Variants in CFAP69 observed in about 807,000 individuals in gnomAD.
CFAP69 encodes the protein cilia and flagella associated protein 69.
CFAP69 carries 92 observed loss-of-function variants against 123.0 expected under a neutral mutation model. The observed-to-expected ratio is 0.75, with a 90% confidence interval of 0.63 to 0.89. The LOEUF (loss-of-function observed/expected upper bound fraction) is 0.89, where lower values mean the gene tolerates loss of function less well. Among genes scored for constraint, CFAP69 ranks in the 40% least tolerant of loss-of-function variants. CFAP69 has a pLI of 0.00. For synonymous variants in CFAP69, 380 were observed against 364.3 expected, an observed-to-expected ratio of 1.04 and a Z score of -0.49; for missense variants, 1,067 against 1,096.9, an observed-to-expected ratio of 0.97 and a Z score of 0.39.
intron 1 of CFAP69, among the ~76,000 whole-genome samples, chr7:90,254,402 T>G (rs1020148875): frequency 6.6e-6 from 1 of 152,194 alleles, no homozygotes; most frequent in African/African-American, 2.4e-5. Context: ...TATAGCCTCT[T>G]CTTGGTTGCA....
intron 21 of CFAP69, 27 bp from the exon 22 acceptor site, chr7:90,309,236 T>G: frequency 8.9e-7 from 1 of 1,119,976 alleles, no homozygotes; most frequent in South Asian, 1.5e-5. Context: ...GCAATTAATA[T>G]TTTCTTTCTA....
At chr7:90,252,524 A>G (rs376494576) in intron 1 of CFAP69, among the ~76,000 whole-genome samples, 4 of 151,996 alleles carry the variant, frequency 2.6e-5, no homozygotes, top group African/African-American at 9.7e-5. Context: ...AAAAATTAGC[A>G]AAGTATGGGG....
Position 90,299,979 on chromosome 7 carries a change from C to A in CFAP69, c.1970C>A (p.Ala657Asp). ...NAWQGKKDQT[A>D]ASLLIKLWRK... ...TGGCAAGGGAAGAAGGATCAGACAG[C>A]TGCTAGTCTTTTAATTAAATTGTGG... Residue 657 changes from alanine (A) to aspartate (D), a missense_variant, in exon 17 of 23, where the codon GCT (alanine) becomes GAT (aspartate). Ala to Asp is a moderately radical substitution (Grantham distance 126, BLOSUM62 -2). Coordinates refer to ENST00000389297, the MANE Select transcript of CFAP69 (RefSeq NM_001039706.3). 6 of 1,610,980 alleles carry A rather than the reference C, an allele frequency of 3.7e-6. No individual in the cohort carries two copies. Among genetic ancestry groups the A allele is most frequent in the Non-Finnish European group, 5.1e-6 (6 of 1,178,676 alleles).
chr7:90,322,007 C>A, the CFAP69 span, among the ~76,000 whole-genome samples: 2 of 152,150 alleles, frequency 1.3e-5, no homozygotes, highest in East Asian at 1.9e-4. Context: ...GGCAGGCCAC[C>A]CTTCTCACAG....
chr7:90,304,565 T>A, intron 18 of CFAP69, 179 bp from the exon 19 acceptor site: 1 of 1,378,182 alleles, frequency 7.3e-7, no homozygotes, highest in African/African-American at 1.5e-5. Context: ...AGAAGCCTAC[T>A]CACAAGCTAC....
intron 18 of CFAP69, 176 bp downstream of exon 18, chr7:90,304,282 C>CT: frequency 7.5e-7 from 1 of 1,339,610 alleles, no homozygotes; most frequent in East Asian, 2.8e-5. Context: ...ATCAGAATCT[C>CT]TGTGTGTGGG....
rs758765109 is a variant in CFAP69, at chr7:90,265,262, A to G, written c.357-39A>G. 3 of 1,336,168 alleles carry G rather than the reference A, an allele frequency of 2.2e-6. No individual in the cohort carries two copies. In the South Asian group the frequency reaches 3.6e-5, roughly 16 times the overall value. The allele number at this position is 1,336,168 out of a possible 1,614,324, so 82.8% of individuals were successfully genotyped here. A position where few individuals can be genotyped will look rare whatever the true frequency, so the allele number is the denominator to read the frequency against. ...AAATGATGCTTCAATTAAAGACTTT[A>G]TTAAAAATTACTGTTACAATTCTTC... On this transcript the variant is annotated intron_variant, in intron 4 of 22. Transcript: ENST00000389297.
intron 12 of CFAP69, among the ~76,000 whole-genome samples, chr7:90,280,980 T>G (rs1337649216): frequency 6.6e-6 from 1 of 152,236 alleles, no homozygotes; most frequent in African/African-American, 2.4e-5. Flanking sequence ...GCCTATCCTT[T>G]ATATCATTTA....
Position 90,310,148 on chromosome 7 carries a change from T to C in CFAP69, c.2736T>C (p.Ala912=). The C allele has an allele frequency of 6.2e-7, 1 of 1,613,956 alleles. No homozygotes were observed. The highest frequency in any genetic ancestry group is 8.5e-7 in the Non-Finnish European group (1 of 1,179,908). The change falls in exon 23 of 23, where the codon GCT becomes GCC. Residue 912 remains alanine (A), a synonymous_variant. Coordinates refer to ENST00000389297, the MANE Select transcript of CFAP69 (RefSeq NM_001039706.3). ...VGGPLVDTDI[A]LKKLPIRGGA... ...GACCTCTGGTTGATACGGATATTGC[T>C]CTTAAAAAACTGCCCATTCGAGGAG... is the stretch of plus-strand genomic sequence containing the variant.
chr7:90,315,715 C>G (rs1333011566), downstream of CFAP69, among the ~76,000 whole-genome samples: 1 of 152,112 alleles, frequency 6.6e-6, no homozygotes, highest in Non-Finnish European at 1.5e-5. Flanking sequence ...ATGAGTTTAC[C>G]TATAGAACAA....
chr7:90,256,537 A>C (rs1320370329), intron 2 of CFAP69, among the ~76,000 whole-genome samples: 1 of 152,136 alleles, frequency 6.6e-6, no homozygotes, highest in Non-Finnish European at 1.5e-5. Flanking sequence ...AAAAAAAAAA[A>C]AATTTTTAAG....
In CFAP69 at chr7:90,279,518, TG is replaced by T. The variant is rs71526681; in HGVS notation, c.1156-158del. Among the ~76,000 whole-genome samples the T allele has an allele frequency of 1.2e-3, 183 of 147,230 alleles. 2 individuals are homozygous for T. The highest frequency in any genetic ancestry group is 2.8e-3 in the African/African-American group (114 of 40,666). On this transcript the variant is annotated intron_variant, in intron 11 of 22. Transcript: ENST00000389297. ...GGATTATAACTTATTTAATTTTTGG[TG>T]TTTTTTTTTTGGTACCTATCATAGA...
intron 17 of CFAP69, chr7:90,302,680 T>C (rs759682721): frequency 4.6e-5 from 7 of 152,210 alleles, no homozygotes; most frequent in Non-Finnish European, 8.8e-5. Context: ...TATTGAACTG[T>C]GTCTGTTTTT....
intron 8 of CFAP69, among the ~76,000 whole-genome samples, chr7:90,272,861 C>A (rs533185534): frequency 6.6e-6 from 1 of 152,190 alleles, no homozygotes; most frequent in East Asian, 1.9e-4. Context: ...TCCAGTTTGG[C>A]CCTGAATGGT....
At chr7:90,256,875 G>C (rs976710462) in intron 2 of CFAP69, among the ~76,000 whole-genome samples, 2 of 152,180 alleles carry the variant, frequency 1.3e-5, no homozygotes, top group East Asian at 3.8e-4. Context: ...ACAGAATTCA[G>C]TCATGGAAAC....
intron 22 of CFAP69, 37 bp downstream of exon 22, chr7:90,309,404 ATTAAAT>A (rs770260274): frequency 8.2e-7 from 1 of 1,216,888 alleles, no homozygotes; most frequent in Admixed American, 2.3e-5. Flanking sequence ...CTTAATAGAC[ATTAAAT>A]TTAGAGTGTT....
intron 4 of CFAP69, among the ~76,000 whole-genome samples, chr7:90,265,081 C>T (rs984580423): frequency 7.9e-5 from 12 of 152,044 alleles, no homozygotes; most frequent in South Asian, 2.1e-4. Context: ...TGTGAGCCAC[C>T]GCACCCGGCC....
At chr7:90,309,475 G>A (rs1554385521) in intron 22 of CFAP69, 108 bp downstream of exon 22, 11 of 522,616 alleles carry the variant, frequency 2.1e-5, no homozygotes, top group Non-Finnish European at 3.7e-5. Flanking sequence ...TTAAATGGAT[G>A]GATTGTGTGG....
intron 11 of CFAP69, among the ~76,000 whole-genome samples, chr7:90,277,873 C>T (rs1788837510): frequency 6.6e-6 from 1 of 152,028 alleles, no homozygotes. Flanking sequence ...GGCTTATCAC[C>T]TACTAGCTAT....
Sources: allele counts gnomAD v4.1 joint callset (sites outside exome capture counted in the v4.1 genomes callset), GRCh38; gene constraint gnomAD v4.1.1; transcripts MANE v1.5; gene names NCBI Gene and HGNC (gene_info 2026-07-23, HGNC 2026-07-21).